The following NTRK3 variants were observed in gnomAD, a reference collection of about 807,000 sequenced individuals.
The protein encoded by NTRK3 is neurotrophic receptor tyrosine kinase 3.
Under a neutral mutation model 91.7 loss-of-function variants are expected in NTRK3, and 24 were observed. The observed-to-expected ratio is 0.26, with a 90% CI of 0.19 to 0.37. NTRK3 has a LOEUF of 0.37. NTRK3 is among the 10% of genes least tolerant of loss of function. The probability of loss-of-function intolerance (pLI) is 1.00; values close to 1 mark genes in which losing one functional copy is unlikely to be tolerated. For synonymous variants in NTRK3, 483 were observed against 404.0 expected, an observed-to-expected ratio of 1.20 and a Z score of -2.34; for missense variants, 880 against 1,068.9, an observed-to-expected ratio of 0.82 and a Z score of 2.46.
intron 14 of NTRK3, among the ~76,000 whole-genome samples, chr15:88,014,105 A>G (rs1474536658): frequency 6.6e-6 from 1 of 152,232 alleles, no homozygotes; most frequent in Non-Finnish European, 1.5e-5. Context: ...AAGTGTTGGA[A>G]CACGCTACTT....
chr15:88,033,303 G>T lies in NTRK3; in HGVS notation c.1397-258C>A, dbSNP rs138530152. Reference sequence around the variant, plus strand: ...CTTACAATTTTTTTTCCATTCTATAGGTTGCCTTTTTTTTTTCTTTTAAAT... The same window carrying T: ...CTTACAATTTTTTTTCCATTCTATATGTTGCCTTTTTTTTTTCTTTTAAAT... On this transcript the variant is annotated intron_variant, in intron 13 of 18. Coordinates refer to ENST00000394480, the Ensembl canonical transcript of NTRK3. 1.2e-3 allele frequency among the ~76,000 whole-genome samples: 172 copies of T among 142,962 alleles called. 1 individual carries two copies. The highest frequency in any genetic ancestry group is 4.1e-4 in the East Asian group (2 of 4,872). The allele number at this position is 142,962 out of a possible 152,430, so 93.8% of individuals were successfully genotyped here. A position where few individuals can be genotyped will look rare whatever the true frequency, so the allele number is the denominator to read the frequency against.
chr15:88,223,807 A>G (rs2050444554), intron 3 of NTRK3, among the ~76,000 whole-genome samples: 1 of 152,226 alleles, frequency 6.6e-6, no homozygotes, highest in African/African-American at 2.4e-5. Flanking sequence ...AGGTAGTAGC[A>G]GAAGACTTAG....
chr15:88,194,220 C>A (rs1439350853), intron 3 of NTRK3, among the ~76,000 whole-genome samples: 2 of 152,252 alleles, frequency 1.3e-5, no homozygotes, highest in Non-Finnish European at 2.9e-5. Flanking sequence ...ATGTCGTATT[C>A]TTTGCCTGAT....
chr15:88,032,509 CAG>C (rs2078637166), intron 14 of NTRK3, among the ~76,000 whole-genome samples: 1 of 152,092 alleles, frequency 6.6e-6, no homozygotes, highest in Admixed American at 6.6e-5. Context: ...GCTGTCTAAA[CAG>C]AGTCAGGTTA....
At chr15:88,124,717 T>G (rs3784410) in intron 13 of NTRK3, among the ~76,000 whole-genome samples, 1 of 152,152 alleles carries the variant, frequency 6.6e-6, no homozygotes, top group Middle Eastern at 3.4e-3. Context: ...CTAGAAAGCC[T>G]TGTTTGGCAT....
At chr15:88,048,665 A>C (rs1195131098) in intron 13 of NTRK3, among the ~76,000 whole-genome samples, 1 of 152,204 alleles carries the variant, frequency 6.6e-6, no homozygotes, top group Non-Finnish European at 1.5e-5. Context: ...CTTTTCCTGC[A>C]TTCTAAAGAA....
intron 14 of NTRK3, among the ~76,000 whole-genome samples, chr15:87,941,235 T>A (rs567784332): frequency 6.6e-6 from 1 of 152,244 alleles, no homozygotes; most frequent in Admixed American, 6.5e-5. Context: ...AGGGTACGAT[T>A]GAGAATCAGG....
intron 14 of NTRK3, among the ~76,000 whole-genome samples, chr15:87,952,240 AAAAAG>A (rs2071194928): frequency 6.6e-6 from 1 of 151,078 alleles, no homozygotes; most frequent in African/African-American, 2.5e-5. Flanking sequence ...AAAAGAAAAG[AAAAAG>A]AAAGAAAGAG....
chr15:88,034,529 T>C (rs2078898415), intron 13 of NTRK3, among the ~76,000 whole-genome samples: 1 of 152,214 alleles, frequency 6.6e-6, no homozygotes, highest in African/African-American at 2.4e-5. Flanking sequence ...AACTGGCGTT[T>C]TGAATGGCTG....
intron 15 of NTRK3, among the ~76,000 whole-genome samples, chr15:87,933,799 A>G (rs1472843681): frequency 6.6e-6 from 1 of 152,158 alleles, no homozygotes; most frequent in Non-Finnish European, 1.5e-5. Context: ...GGGTGGGAAG[A>G]GTGGGGCGGC....
chr15:88,033,896 T>C (rs1278837585), intron 13 of NTRK3, among the ~76,000 whole-genome samples: 1 of 152,216 alleles, frequency 6.6e-6, no homozygotes, highest in Non-Finnish European at 1.5e-5. Context: ...ACCCTGTACC[T>C]CCTCTTCTAG....
At chr15:87,969,813 C>T (rs1198544797) in intron 14 of NTRK3, among the ~76,000 whole-genome samples, 1 of 152,112 alleles carries the variant, frequency 6.6e-6, no homozygotes, top group African/African-American at 2.4e-5. Flanking sequence ...TTCAGAAAAT[C>T]TTGCCGAGAA....
intron 14 of NTRK3, among the ~76,000 whole-genome samples, chr15:87,943,289 C>T (rs892167881): frequency 1.3e-5 from 2 of 152,112 alleles, no homozygotes; most frequent in African/African-American, 4.8e-5. Flanking sequence ...GTACCATGCT[C>T]ACAAACAGTT....
chr15:88,129,579 A>T (rs1346868697), intron 10 of NTRK3, among the ~76,000 whole-genome samples: 1 of 152,232 alleles, frequency 6.6e-6, no homozygotes, highest in African/African-American at 2.4e-5. Flanking sequence ...CCAACATCCA[A>T]TAAAAGGAGT....
intron 15 of NTRK3, among the ~76,000 whole-genome samples, chr15:87,936,686 G>T (rs747240257): frequency 1.3e-5 from 2 of 151,810 alleles, no homozygotes; most frequent in East Asian, 1.9e-4. Context: ...ACACACACAC[G>T]CACGCACACA....
At chr15:88,073,761 T>A (rs532088782) in intron 13 of NTRK3, among the ~76,000 whole-genome samples, 1 of 151,228 alleles carries the variant, frequency 6.6e-6, no homozygotes, top group Non-Finnish European at 1.5e-5. Context: ...TGGGGGAGGG[T>A]CCAGAGTGCT....
At chr15:88,016,796 G>A (rs1596718864) in intron 14 of NTRK3, among the ~76,000 whole-genome samples, 1 of 152,046 alleles carries the variant, frequency 6.6e-6, no homozygotes. Context: ...TATTAGAGGA[G>A]AGTGTCATTT....
chr15:88,031,855 G>C (rs911226463), intron 14 of NTRK3, among the ~76,000 whole-genome samples: 3 of 152,110 alleles, frequency 2.0e-5, no homozygotes, highest in African/African-American at 7.2e-5. Context: ...GGCTGAGCAA[G>C]ACCAAAAAGC....
chr15:88,099,610 C>T (rs577514136), intron 13 of NTRK3, among the ~76,000 whole-genome samples: 34 of 152,270 alleles, frequency 2.2e-4, no homozygotes, highest in African/African-American at 7.7e-4. Flanking sequence ...AACATGGCAT[C>T]GGGAGCTAAG....
Sources: allele counts gnomAD v4.1 joint callset (sites outside exome capture counted in the v4.1 genomes callset), GRCh38; gene constraint gnomAD v4.1.1; transcripts MANE v1.5; gene names NCBI Gene and HGNC (gene_info 2026-07-23, HGNC 2026-07-21).